MBD3: variants seen among roughly 807,000 people sequenced by gnomAD.
MBD3 encodes the protein methyl-CpG-binding domain protein 3.
In MBD3, 13 loss-of-function variants were observed where a neutral mutation model predicts 31.2. That is an observed-to-expected ratio of 0.42 (90% CI 0.27 to 0.66). MBD3 has a LOEUF of 0.66. Ranked by LOEUF, MBD3 falls within the 30% of genes least tolerant of loss-of-function variation. The probability of loss-of-function intolerance (pLI) is 0.26; values close to 1 mark genes in which losing one functional copy is unlikely to be tolerated. For synonymous variants in MBD3, 223 were observed against 187.4 expected, an observed-to-expected ratio of 1.19 and a Z score of -1.55; for missense variants, 440 against 426.5, an observed-to-expected ratio of 1.03 and a Z score of -0.28.
In MBD3 at chr19:1,578,675, G is replaced by T; in HGVS notation, c.678-137C>A. On this transcript the variant is annotated intron_variant, in intron 5 of 6. Coordinates refer to ENST00000434436, the MANE Select transcript of MBD3 (RefSeq NM_001281453.2). The surrounding 1 kb of genome is among the most constrained non-coding windows in gnomAD (Gnocchi z 6.1). ...ACCCCCCCAGGACCAGCCCTGGCCCGTGCCACCCCTCCCTTCACAATCCAC... is the reference window on the plus strand; with the variant it reads ...ACCCCCCCAGGACCAGCCCTGGCCCTTGCCACCCCTCCCTTCACAATCCAC... The T allele has an allele frequency of 6.5e-7, 1 of 1,538,558 alleles. No homozygotes were observed. The highest frequency in any genetic ancestry group is 8.9e-7 in the Non-Finnish European group (1 of 1,129,742).
In MBD3 at chr19:1,576,159, T is replaced by C. The variant is rs1267678756; in HGVS notation, c.*2005A>G. The C allele has an allele frequency of 1.3e-5, 2 of 152,090 alleles. No individual in the cohort carries two copies. Among genetic ancestry groups the C allele is most frequent in the Non-Finnish European group, 1.5e-5 (1 of 68,184 alleles). The allele number at this position is 152,090 out of a possible 1,614,324, so 9.4% of individuals were successfully genotyped here. ...AGGGAGACAGGGACACAGTGGGAGA[T>C]GGGAAGAGGGAAACAGAGTGTCTCT... On this transcript the variant is annotated 3_prime_UTR_variant, in exon 7 of 7. Coordinates refer to ENST00000434436, the MANE Select transcript of MBD3 (RefSeq NM_001281453.2).
rs1429710868 is a variant in MBD3 at position 1,581,078 on chromosome 19, G to A, written c.677+14C>T. On this transcript the variant is annotated intron_variant, in intron 5 of 6. Transcript: ENST00000434436. ...GACAGGGTGGAGCAGCAGGGGACCA[G>A]GCCAAGGGGCTACCTGATGTCCTCG... is the stretch of plus-strand genomic sequence containing the variant. The A allele has an allele frequency of 2.5e-6, 4 of 1,613,980 alleles. No homozygotes were observed. The African/African-American group carries it at 4.0e-5, about 16-fold the overall frequency.
chr19:1,588,801 AG>A (rs1250930855), intron 1 of MBD3, among the ~76,000 whole-genome samples: 6 of 147,020 alleles, frequency 4.1e-5, no homozygotes, highest in Non-Finnish European at 7.5e-5. Flanking sequence ...AAAAAAAAAA[AG>A]GTGTAAGGCG....
rs1040942797 is a variant in MBD3, at chr19:1,575,323, C to G, written c.*2841G>C. ...CTACTCGGGAGGCTGAGGCTTGAACCCAGAAGGTGGAGGTTGCAGTGAGCC... is the reference window on the plus strand; with the variant it reads ...CTACTCGGGAGGCTGAGGCTTGAACGCAGAAGGTGGAGGTTGCAGTGAGCC... On this transcript the variant is annotated 3_prime_UTR_variant, in exon 7 of 7. Transcript: ENST00000434436. 9.1e-6 allele frequency: 4 copies of G among 440,380 alleles called. No individual in the cohort carries two copies. Among genetic ancestry groups the G allele is most frequent in the South Asian group, 6.2e-5 (4 of 64,010 alleles). The allele number at this position is 440,380 out of a possible 1,614,324, so 27.3% of individuals were successfully genotyped here. A position where few individuals can be genotyped will look rare whatever the true frequency, so the allele number is the denominator to read the frequency against.
intron 1 of MBD3, chr19:1,586,130 T>G (rs565483231): frequency 3.9e-5 from 6 of 152,222 alleles, no homozygotes; most frequent in African/African-American, 7.2e-5. Flanking sequence ...AGTTTCCAGA[T>G]GACCCGGCCA....
chr19:1,578,262 G>C lies in MBD3; in HGVS notation c.*5+73C>G. The C allele has an allele frequency of 6.3e-7, 1 of 1,592,258 alleles. No homozygotes were observed. Among genetic ancestry groups the C allele is most frequent in the Non-Finnish European group, 8.5e-7 (1 of 1,175,512 alleles). ...TCTTGGGAGGCACCCGTCATCCCAA[G>C]CACATCTGTGTTCACCAGGCAGTCC... On this transcript the variant is annotated intron_variant, in intron 6 of 6. Transcript: ENST00000434436. This position sits in a 1 kb window ranked among gnomAD's most constrained non-coding sequence, Gnocchi z 6.1.
At chr19:1,592,452 C>A (rs928647226) in intron 1 of MBD3, 70 bp downstream of exon 1, 38 of 718,554 alleles carry the variant, frequency 5.3e-5, no homozygotes, top group Middle Eastern at 3.8e-4. Flanking sequence ...GGGGCAGGGG[C>A]GCCGAGGCCG....
rs955613529 is a variant in MBD3 at position 1,575,072 on chromosome 19, GGCA to G, written c.*3089_*3091del. On this transcript the variant is annotated 3_prime_UTR_variant, in exon 7 of 7. Coordinates refer to ENST00000434436, the MANE Select transcript of MBD3 (RefSeq NM_001281453.2). ...TCTCCTCCCTGGTACCCTCTGTGGC[GGCA>G]GCGGTGGGGAGCTTGGTCTGAGGGG... The G allele has an allele frequency of 5.4e-6, 2 of 372,164 alleles. No homozygotes were observed. The highest frequency in any genetic ancestry group is 1.1e-5 in the Non-Finnish European group (2 of 181,438). The allele number at this position is 372,164 out of a possible 1,614,324, so 23.1% of individuals were successfully genotyped here. A position where few individuals can be genotyped will look rare whatever the true frequency, so the allele number is the denominator to read the frequency against.
chr19:1,581,113 A>G lies in MBD3; in HGVS notation c.656T>C (p.Met219Thr). The change falls in exon 5 of 7, where the codon ATG (methionine) becomes ACG (threonine). Residue 219 changes from methionine to threonine, a missense_variant. Met to Thr is a moderately conservative substitution (Grantham distance 81, BLOSUM62 -1). Transcript: ENST00000434436. ...CTACCTGATGTCCTCGTCGGTCACCATGAAGGCTTTGCACAGGGGCTGCGT... is the reference window on the plus strand; with the variant it reads ...CTACCTGATGTCCTCGTCGGTCACCGTGAAGGCTTTGCACAGGGGCTGCGT... ...NTTQPLCKAF[M>T]VTDEDIRKQE... 6.2e-7 allele frequency: 1 copy of G among 1,614,174 alleles called. No individual in the cohort carries two copies. Among genetic ancestry groups the G allele is most frequent in the African/African-American group, 1.3e-5 (1 of 75,064 alleles).
At position 1,590,333 on chromosome 19, in the gene MBD3, A is replaced by C. The variant is rs556644219; in HGVS notation, c.110+2189T>G. 2.6e-5 allele frequency among the ~76,000 whole-genome samples: 4 copies of C among 151,438 alleles called. No homozygotes were observed. In the South Asian group the frequency reaches 6.3e-4, roughly 24 times the overall value. ...CCCACTGAATTGTACATTTCTAAAA[A>C]GTGGCTTTGGCCAGGCAGTGGCTCA... On this transcript the variant is annotated intron_variant, in intron 1 of 6. Transcript: ENST00000434436.
intron 5 of MBD3, among the ~76,000 whole-genome samples, chr19:1,579,230 C>T (rs991987859): frequency 4.1e-5 from 6 of 147,058 alleles, no homozygotes; most frequent in African/African-American, 1.5e-4. Flanking sequence ...CCAAAATCAG[C>T]TACCATCAGC....
At chr19:1,586,135 C>T (rs1471291287) in intron 1 of MBD3, 3 of 152,180 alleles carry the variant, frequency 2.0e-5, no homozygotes, top group African/African-American at 7.2e-5. Context: ...CCAGATGACC[C>T]GGCCACGCCA....
At chr19:1,579,681 G>C (rs1917304393) in intron 5 of MBD3, among the ~76,000 whole-genome samples, 1 of 152,146 alleles carries the variant, frequency 6.6e-6, no homozygotes, top group South Asian at 2.1e-4. Flanking sequence ...CTACTCGACT[G>C]CAGCCACCAC....
At chr19:1,592,381 ACACGCACGCAAGACGCACG>A (rs1211544602) in intron 1 of MBD3, 122 bp downstream of exon 1, 8 of 196,672 alleles carry the variant, frequency 4.1e-5, no homozygotes, top group Admixed American at 6.2e-5. Flanking sequence ...CGCCGGGCGC[ACACGCACGCAAGACGCACG>A]CACGCACGCA....
At position 1,577,183 on chromosome 19, in the gene MBD3, C is replaced by G. The variant is rs1917217835; in HGVS notation, c.*981G>C. ...ACTGGGCAGCAGGGCCAGGAGGGCA[C>G]CAGGGACTGGCCGCAGAGTCCACTC... On this transcript the variant is annotated 3_prime_UTR_variant, in exon 7 of 7. Transcript: ENST00000434436. The G allele has an allele frequency of 6.6e-6, 1 of 152,478 alleles. No individual in the cohort carries two copies. The highest frequency in any genetic ancestry group is 1.5e-5 in the Non-Finnish European group (1 of 68,208). 9.4% of individuals were successfully genotyped at this position (152,478 alleles called of 1,614,324 possible). A position where few individuals can be genotyped will look rare whatever the true frequency, so the allele number is the denominator to read the frequency against.
chr19:1,583,983 A>T (rs1318303472), intron 3 of MBD3, among the ~76,000 whole-genome samples: 1 of 151,542 alleles, frequency 6.6e-6, no homozygotes, highest in Non-Finnish European at 1.5e-5. Flanking sequence ...CACCACGCCC[A>T]GCTAATTTTT....
intron 1 of MBD3, among the ~76,000 whole-genome samples, chr19:1,588,096 C>G (rs1050573882): frequency 6.6e-6 from 1 of 152,198 alleles, no homozygotes; most frequent in Admixed American, 6.5e-5. Flanking sequence ...TGGGCCGATA[C>G]ATAGATCACA....
In MBD3 at chr19:1,576,944, C is replaced by G. The variant is rs140041183; in HGVS notation, c.*1220G>C. ...TCCATGCGGGTCCTTGGAGGGCAGA[C>G]GGTGGAGCGGCGCTTCCTCAGCTCC... On this transcript the variant is annotated 3_prime_UTR_variant, in exon 7 of 7. Transcript: ENST00000434436. 6.6e-6 allele frequency: 1 copy of G among 152,338 alleles called. No homozygotes were observed. Among genetic ancestry groups the G allele is most frequent in the Admixed American group, 6.5e-5 (1 of 15,292 alleles). The allele number at this position is 152,338 out of a possible 1,614,324, so 9.4% of individuals were successfully genotyped here.
At chr19:1,590,875 G>A (rs962681538) in intron 1 of MBD3, among the ~76,000 whole-genome samples, 7 of 152,208 alleles carry the variant, frequency 4.6e-5, no homozygotes, top group Non-Finnish European at 2.9e-5. Context: ...TGCAGAGGGC[G>A]GCTCTGGGCT....
Sources: allele counts gnomAD v4.1 joint callset (sites outside exome capture counted in the v4.1 genomes callset), GRCh38; gene constraint gnomAD v4.1.1; non-coding constraint Gnocchi (gnomAD v3.1); transcripts MANE v1.5; gene names NCBI Gene and HGNC (gene_info 2026-07-23, HGNC 2026-07-21).